The following SLC45A4 variants were observed in gnomAD, a reference collection of about 807,000 sequenced individuals.
SLC45A4 encodes the protein polyamine-transporter SLC45A4.
SLC45A4 carries 32 observed loss-of-function variants against 63.7 expected under a neutral mutation model. The ratio of observed to expected loss-of-function variants is 0.50; its 90% CI spans 0.38 to 0.67. The LOEUF is 0.67. Among genes scored for constraint, SLC45A4 ranks in the 30% least tolerant of loss-of-function variants. The pLI is 0.00. For synonymous variants in SLC45A4, 535 were observed against 510.0 expected (o/e 1.05, Z -0.66); for missense variants, 1,027 against 1,157.7 (o/e 0.89, Z 1.64).
chr8:141,265,390 G>A (rs1293686024), intron 1 of SLC45A4, among the ~76,000 whole-genome samples: 1 of 152,234 alleles, frequency 6.6e-6, no homozygotes, highest in Non-Finnish European at 1.5e-5. Context: ...GGAGGAGTGT[G>A]CAGGGAGGGG....
At chr8:141,287,420 C>A (rs1043755339) in intron 1 of SLC45A4, among the ~76,000 whole-genome samples, 1 of 152,182 alleles carries the variant, frequency 6.6e-6, no homozygotes, top group East Asian at 1.9e-4. Flanking sequence ...ACGCAGGGCA[C>A]GGAGCGCAGA....
At chr8:141,261,145 C>T (rs533090933) in intron 1 of SLC45A4, among the ~76,000 whole-genome samples, 48 of 152,254 alleles carry the variant, frequency 3.2e-4, no homozygotes, top group African/African-American at 4.3e-4. Flanking sequence ...TCTCAATAGA[C>T]GCAGAAAAGG....
At chr8:141,212,146 G>GC in intron 8 of SLC45A4, 51 bp downstream of exon 8, 1 of 516,542 alleles carries the variant, frequency 1.9e-6, no homozygotes, top group South Asian at 8.0e-5. Flanking sequence ...CCGCCCGCCC[G>GC]CCCGCCCACC....
intron 2 of SLC45A4, among the ~76,000 whole-genome samples, chr8:141,230,972 G>C (rs1279181564): frequency 6.6e-6 from 1 of 152,146 alleles, no homozygotes; most frequent in African/African-American, 2.4e-5. Flanking sequence ...GCTGGCGGCG[G>C]CAACAGCGTG....
chr8:141,230,038 C>A lies in SLC45A4; in HGVS notation c.242-8273G>T, dbSNP rs1438892684. The A allele has an allele frequency of 1.1e-5, 5 of 456,026 alleles. No homozygotes were observed. The East Asian group carries it at 3.5e-4, about 32-fold the overall frequency. The allele number at this position is 456,026 out of a possible 1,614,324, so 28.2% of individuals were successfully genotyped here. A position where few individuals can be genotyped will look rare whatever the true frequency, so the allele number is the denominator to read the frequency against. Reference sequence around the variant, plus strand: ...TGCTGGAAGGACAACACCACAGCACCATTACACGATGATAAGAAAGTTCTC... The same window carrying A: ...TGCTGGAAGGACAACACCACAGCACAATTACACGATGATAAGAAAGTTCTC... On this transcript the variant is annotated intron_variant, in intron 2 of 8. Coordinates refer to ENST00000517878, the MANE Select transcript of SLC45A4 (RefSeq NM_001286646.2).
chr8:141,228,488 T>C, intron 2 of SLC45A4: 1 of 1,332,870 alleles, frequency 7.5e-7, no homozygotes, highest in Non-Finnish European at 9.7e-7. Flanking sequence ...GGCACCTGTC[T>C]TCACTGGCAG....
chr8:141,274,685 C>T (rs1829666283), intron 1 of SLC45A4, among the ~76,000 whole-genome samples: 1 of 152,188 alleles, frequency 6.6e-6, no homozygotes, highest in Admixed American at 6.5e-5. Context: ...TCCTCAATAC[C>T]AGGGGCTCCG....
chr8:141,239,054 G>A (rs1449176474), intron 2 of SLC45A4, among the ~76,000 whole-genome samples: 1 of 152,230 alleles, frequency 6.6e-6, no homozygotes. Flanking sequence ...CCACCCGGCT[G>A]CTGTGAGCCA....
At chr8:141,233,652 A>G (rs891311927) in intron 2 of SLC45A4, among the ~76,000 whole-genome samples, 3 of 152,236 alleles carry the variant, frequency 2.0e-5, no homozygotes, top group Non-Finnish European at 4.4e-5. Flanking sequence ...GCGCCACTGC[A>G]CTGCAATCTG....
At chr8:141,274,582 T>C (rs1829661856) in intron 1 of SLC45A4, among the ~76,000 whole-genome samples, 1 of 148,940 alleles carries the variant, frequency 6.7e-6, no homozygotes, top group East Asian at 2.0e-4. Context: ...TGACCAAAAC[T>C]TACATATGGC....
chr8:141,225,853 A>G (rs1026424117), intron 2 of SLC45A4: 1 of 151,470 alleles, frequency 6.6e-6, no homozygotes, highest in African/African-American at 2.4e-5. Context: ...GGGCACCTCC[A>G]CCCGCCAGCC....
intron 2 of SLC45A4, chr8:141,252,148 T>C (rs1216064811): frequency 6.6e-6 from 1 of 151,936 alleles, no homozygotes; most frequent in African/African-American, 2.4e-5. Flanking sequence ...GTCTGCCTCT[T>C]ACCAGATACC....
At chr8:141,217,969 T>G in intron 5 of SLC45A4, 42 bp downstream of exon 5, 2 of 1,533,852 alleles carry the variant, frequency 1.3e-6, no homozygotes, top group Non-Finnish European at 1.8e-6. Context: ...GAGCCGCAGG[T>G]GGGCAGAGAG....
At chr8:141,255,136 A>G (rs954136167) in intron 1 of SLC45A4, among the ~76,000 whole-genome samples, 4 of 152,232 alleles carry the variant, frequency 2.6e-5, no homozygotes, top group Admixed American at 6.5e-5. Flanking sequence ...TCCGTTGCCC[A>G]GGCTGGAGTG....
At chr8:141,300,404 G>T (rs1563684928) in intron 1 of SLC45A4, among the ~76,000 whole-genome samples, 1 of 152,218 alleles carries the variant, frequency 6.6e-6, no homozygotes, top group Admixed American at 6.5e-5. Flanking sequence ...ATTTCATTAG[G>T]TCTAAAGGCT....
chr8:141,268,252 T>A (rs771842064), intron 1 of SLC45A4, among the ~76,000 whole-genome samples: 3 of 152,220 alleles, frequency 2.0e-5, no homozygotes, highest in Non-Finnish European at 4.4e-5. Context: ...GACGACTTTC[T>A]GGAAGAGGCA....
intron 2 of SLC45A4, among the ~76,000 whole-genome samples, chr8:141,231,311 G>A (rs1827335568): frequency 1.3e-5 from 2 of 152,204 alleles, no homozygotes; most frequent in Non-Finnish European, 2.9e-5. Flanking sequence ...CCTCAAAGGT[G>A]CCTGGGCTGG....
In SLC45A4 at chr8:141,211,555, G is replaced by A. The variant is rs1825809974; in HGVS notation, c.*17C>T. 1.2e-6 allele frequency: 2 copies of A among 1,613,392 alleles called. No individual in the cohort carries two copies. On this transcript the variant is annotated 3_prime_UTR_variant, in exon 9 of 9. Transcript: ENST00000517878. ...AATGTGTCCAACTCGCTGAGGAAAA[G>A]AAGATACGTCATTCTTCTAAGAGAA...
chr8:141,298,051 C>T (rs62524211), intron 1 of SLC45A4, among the ~76,000 whole-genome samples: 21,074 of 138,722 alleles, frequency 0.15, 1,780 homozygotes, highest in Non-Finnish European at 0.21. Context: ...GACAGCCCTG[C>T]GGCAAGCCCG....
Sources: gnomAD v4.1 joint callset for allele counts (sites outside exome capture counted in the v4.1 genomes callset) on GRCh38, gnomAD v4.1.1 for gene constraint, MANE v1.5 for transcripts, NCBI Gene and HGNC (gene_info 2026-07-23, HGNC 2026-07-21) for gene names.